Variants in OGG1 observed in about 807,000 individuals in gnomAD.
OGG1 encodes the protein N-glycosylase/DNA lyase.
A neutral mutation model predicts 42.3 loss-of-function variants in OGG1; 35 were observed. That is an observed-to-expected ratio of 0.83 (90% CI 0.63 to 1.10). The LOEUF is 1.10. Among genes scored for constraint, OGG1 ranks in the 50% least tolerant of loss-of-function variants. The pLI is 0.00. For missense variants in OGG1, 484 were observed against 446.7 expected (o/e 1.08, Z -0.75); for synonymous variants, 189 against 179.0 (o/e 1.06, Z -0.44).
intron 3 of OGG1, among the ~76,000 whole-genome samples, chr3:9,786,602 A>T (rs78493067): frequency 0.02 from 3,067 of 152,272 alleles, 86 homozygotes; most frequent in African/African-American, 0.07. Context: ...CACAGCGTTA[A>T]CCACTGTCCT....
At chr3:9,785,982 G>A (rs1575301313) in intron 3 of OGG1, among the ~76,000 whole-genome samples, 1 of 151,880 alleles carries the variant, frequency 6.6e-6, no homozygotes, top group Admixed American at 6.6e-5. Flanking sequence ...TGTCACCCAG[G>A]CTGTGGAGTG....
At chr3:9,764,299 T>C (rs2125587556) in intron 7 of OGG1, among the ~76,000 whole-genome samples, 1 of 152,326 alleles carries the variant, frequency 6.6e-6, no homozygotes, top group African/African-American at 2.4e-5. Context: ...AATTGATTTT[T>C]TTTTTCTTTT....
At chr3:9,755,829 C>T (rs944057333) in intron 4 of OGG1, among the ~76,000 whole-genome samples, 1 of 151,598 alleles carries the variant, frequency 6.6e-6, no homozygotes, top group Non-Finnish European at 1.5e-5. Context: ...TTTTGATGGG[C>T]TTTGGACTAC....
At chr3:9,758,984 CAG>C (rs893494379), downstream of OGG1, 25 of 583,322 alleles carry the variant, frequency 4.3e-5, no homozygotes, top group African/African-American at 4.7e-4. Context: ...TGGGGCTCCT[CAG>C]TGCCCTCAGG....
chr3:9,790,075 C>T (rs1265212490), downstream of OGG1: 5 of 1,342,552 alleles, frequency 3.7e-6, no homozygotes, highest in Non-Finnish European at 4.9e-6. Context: ...GGGTCTTTCC[C>T]CATCCTCTTT....
At chr3:9,787,673 GAATT>G in intron 3 of OGG1, 1 of 1,361,278 alleles carries the variant, frequency 7.3e-7, no homozygotes, top group East Asian at 4.2e-5. Flanking sequence ...GGGTGACAGG[GAATT>G]ACCTTTTGTA....
intron 3 of OGG1, among the ~76,000 whole-genome samples, chr3:9,782,603 C>T (rs1199780982): frequency 6.6e-6 from 1 of 152,184 alleles, no homozygotes; most frequent in Non-Finnish European, 1.5e-5. Context: ...TGCTGGCCCC[C>T]AGCACAATAT....
intron 3 of OGG1, among the ~76,000 whole-genome samples, chr3:9,753,926 C>G (rs2077422590): frequency 6.6e-6 from 1 of 152,062 alleles, no homozygotes; most frequent in East Asian, 1.9e-4. Flanking sequence ...TGGCTTGAGC[C>G]CAGGAGTTTG....
At chr3:9,786,991 G>A in intron 3 of OGG1, 1 of 1,608,322 alleles carries the variant, frequency 6.2e-7, no homozygotes, top group Non-Finnish European at 8.5e-7. Context: ...TCCTCTTTTG[G>A]GTTAGGCTGC....
At chr3:9,754,583 G>A in intron 3 of OGG1, 121 bp from the exon 4 acceptor site, 4 of 1,008,772 alleles carry the variant, frequency 4.0e-6, no homozygotes, top group Non-Finnish European at 6.0e-6. Context: ...CATAGAGGGT[G>A]GGGAGGTAGG....
intron 2 of OGG1, among the ~76,000 whole-genome samples, chr3:9,771,859 C>T (rs1422086904): frequency 2.1e-5 from 3 of 139,958 alleles, no homozygotes; most frequent in African/African-American, 8.1e-5. Context: ...CTCTGTTGCC[C>T]AGGCTGGAGT....
chr3:9,786,955 A>T, intron 3 of OGG1: 2 of 1,484,086 alleles, frequency 1.3e-6, no homozygotes, highest in South Asian at 2.3e-5. Flanking sequence ...TAAGCATAAC[A>T]CATTAAAACA....
At chr3:9,784,204 A>G (rs529290208) in intron 3 of OGG1, 10 of 1,611,382 alleles carry the variant, frequency 6.2e-6, no homozygotes, top group Admixed American at 1.7e-5. Flanking sequence ...GGGACTTAGT[A>G]TGCGGCACAC....
chr3:9,761,597 C>A (rs746247676), downstream of OGG1: 26 of 1,613,756 alleles, frequency 1.6e-5, no homozygotes, highest in South Asian at 1.9e-4. Flanking sequence ...TGGTTCCCCC[C>A]ACCATCACAG....
intron 2 of OGG1, 46 bp from the exon 3 acceptor site, chr3:9,751,724 C>G (rs574940678): frequency 1.9e-6 from 3 of 1,594,254 alleles, no homozygotes; most frequent in African/African-American, 1.3e-5. Flanking sequence ...AGAGGCCACA[C>G]CCAACAGCAG....
downstream of OGG1, chr3:9,759,293 G>A: frequency 6.2e-7 from 1 of 1,605,786 alleles, no homozygotes; most frequent in Non-Finnish European, 8.5e-7. Flanking sequence ...GGAGGTGAGG[G>A]ACCCTCTCTG....
At position 9,756,495 on chromosome 3, in the gene OGG1, G is replaced by T. The variant is rs2077567576; in HGVS notation, c.772G>T (p.Ala258Ser). ...TKVADCICLM[A>S]LDKPQAVPVD... The stretch of plus-strand genomic sequence containing the variant: ...GGTGGCTGACTGCATCTGCCTGATG[G>T]CCCTAGACAAGCCCCAGGCTGTGCC... Residue 258 changes from alanine (A) to serine (S), a missense_variant, in exon 5 of 7, where the codon GCC becomes TCC. Ala to Ser is a moderately conservative substitution (Grantham distance 99). Transcript: ENST00000344629. 1 of 1,614,142 alleles carries T rather than the reference G, an allele frequency of 6.2e-7. No individual in the cohort carries two copies. Among genetic ancestry groups the T allele is most frequent in the Non-Finnish European group, 8.5e-7 (1 of 1,180,030 alleles).
chr3:9,789,693 T>A (rs1245552759), downstream of OGG1: 3 of 1,609,926 alleles, frequency 1.9e-6, no homozygotes, highest in African/African-American at 1.3e-5. Flanking sequence ...GGCCCCCTTC[T>A]ATGTTCTCTA....
Position 9,751,135 on chromosome 3 carries a change from T to C in OGG1, c.328T>C (p.Tyr110His), listed in dbSNP as rs1200265804. 1.6e-5 allele frequency: 26 copies of C among 1,614,088 alleles called. No homozygotes were observed. Among genetic ancestry groups the C allele is most frequent in the Non-Finnish European group, 1.9e-5 (23 of 1,180,040 alleles). Residue 110 changes from tyrosine to histidine, a missense_variant, in exon 2 of 7, where the codon TAT (tyrosine) becomes CAT (histidine). Physicochemically the swap from Tyr to His is moderately conservative, Grantham distance 83. Transcript: ENST00000344629. ...GCTAGATGTTACCCTGGCTCAACTG[T>C]ATCACCACTGGGGTTCCGTGGACTC... is the stretch of plus-strand genomic sequence containing the variant. ...FQLDVTLAQL[Y>H]HHWGSVDSHF...
Sources: gnomAD v4.1 joint callset for allele counts (sites outside exome capture counted in the v4.1 genomes callset) on GRCh38, gnomAD v4.1.1 for gene constraint, MANE v1.5 for transcripts, NCBI Gene and HGNC (gene_info 2026-07-23, HGNC 2026-07-21) for gene names.